ZP3: variants seen among roughly 807,000 people sequenced by gnomAD.
ZP3 encodes the protein zona pellucida glycoprotein 3, also known as zona pellucida sperm-binding protein 3.
In ZP3, 21 loss-of-function variants were observed where a neutral mutation model predicts 35.6. The observed-to-expected ratio is 0.59, with a 90% CI of 0.42 to 0.85. ZP3 has a LOEUF of 0.85. ZP3 is among the 40% of genes least tolerant of loss of function. The pLI is 0.00. For synonymous variants in ZP3, 207 were observed against 214.5 expected, an observed-to-expected ratio of 0.96 and a Z score of 0.31; for missense variants, 437 against 536.5, an observed-to-expected ratio of 0.81 and a Z score of 1.83.
At chr7:76,401,347 CA>C (rs1368258117) in intron 1 of ZP3, among the ~76,000 whole-genome samples, 1 of 152,196 alleles carries the variant, frequency 6.6e-6, no homozygotes, top group East Asian at 1.9e-4. Context: ...ACAGGAGTCT[CA>C]GCTCCTGAGC....
chr7:76,419,340 T>C (rs1356509692), intron 1 of ZP3, among the ~76,000 whole-genome samples: 2 of 152,210 alleles, frequency 1.3e-5, no homozygotes, highest in Non-Finnish European at 2.9e-5. Flanking sequence ...ATCTTTAATC[T>C]ATCTAGAATT....
intron 2 of ZP3, 97 bp downstream of exon 2, chr7:76,429,730 C>G: frequency 1.0e-6 from 1 of 980,498 alleles, no homozygotes; most frequent in South Asian, 1.4e-5. Context: ...TGCAGCATGG[C>G]TATTAGAACT....
At chr7:76,403,347 C>CT (rs766899317) in intron 1 of ZP3, among the ~76,000 whole-genome samples, 2 of 149,530 alleles carry the variant, frequency 1.3e-5, no homozygotes, top group Admixed American at 6.8e-5. Context: ...GACTCCACTT[C>CT]TTTTTTTTGA....
chr7:76,431,268 G>T (rs547403164), intron 2 of ZP3, among the ~76,000 whole-genome samples: 7 of 152,132 alleles, frequency 4.6e-5, no homozygotes, highest in Non-Finnish European at 8.8e-5. Context: ...CTGCCCAGTC[G>T]GCATGAGGGA....
At chr7:76,422,795 C>T (rs552150368), upstream of ZP3, among the ~76,000 whole-genome samples, 1 of 151,260 alleles carries the variant, frequency 6.6e-6, no homozygotes, top group African/African-American at 2.4e-5. Flanking sequence ...GTCCAGAGTT[C>T]GAGACCAGCC....
intron 1 of ZP3, among the ~76,000 whole-genome samples, chr7:76,398,279 A>G (rs1379007891): frequency 6.6e-6 from 1 of 150,382 alleles, no homozygotes; most frequent in Non-Finnish European, 1.5e-5. Context: ...TGTGAGATTA[A>G]GCTCCAGTCT....
intron 5 of ZP3, among the ~76,000 whole-genome samples, chr7:76,436,959 A>G (rs1806035114): frequency 6.6e-6 from 1 of 151,848 alleles, no homozygotes; most frequent in Non-Finnish European, 1.5e-5. Context: ...CCCCCTTCAA[A>G]GGTAGGATTG....
chr7:76,422,658 G>A (rs1244028233), upstream of ZP3, among the ~76,000 whole-genome samples: 5 of 145,206 alleles, frequency 3.4e-5, no homozygotes, highest in Admixed American at 2.1e-4. Context: ...CAGCCTGGGC[G>A]ACAGAGCAAG....
chr7:76,398,682 C>T (rs369033722), intron 1 of ZP3: 8 of 1,606,734 alleles, frequency 5.0e-6, no homozygotes, highest in East Asian at 2.2e-5. Flanking sequence ...AGACTCCTCT[C>T]CCAAAACCCA....
upstream of ZP3, among the ~76,000 whole-genome samples, chr7:76,420,124 C>T (rs1805471685): frequency 6.6e-6 from 1 of 151,154 alleles, no homozygotes; most frequent in African/African-American, 2.4e-5. Flanking sequence ...TCCTCCTCCC[C>T]CTCCTCCCCT....
At chr7:76,409,427 C>G (rs1437132978) in intron 1 of ZP3, 1 of 152,328 alleles carries the variant, frequency 6.6e-6, no homozygotes, top group Non-Finnish European at 1.5e-5. Flanking sequence ...GGGGAATGTT[C>G]TGGGCTCTTT....
chr7:76,432,993 A>G lies in ZP3; in HGVS notation c.498A>G (p.Ser166=). 6.2e-7 allele frequency: 1 copy of G among 1,614,130 alleles called. No individual in the cohort carries two copies. The highest frequency in any genetic ancestry group is 8.5e-7 in the Non-Finnish European group (1 of 1,180,024). ...TGCCCTTCAGGACCACGGTGTTCTCAGAGGAGAAGCTGACTTTCTCTCTGC... is the reference window on the plus strand; with the variant it reads ...TGCCCTTCAGGACCACGGTGTTCTCGGAGGAGAAGCTGACTTTCTCTCTGC... The part of the protein sequence containing the change: ...TWLPFRTTVF[S]EEKLTFSLRL... The change falls in exon 3 of 8, where the codon TCA becomes TCG. Residue 166 remains serine (S), a synonymous_variant. Coordinates refer to ENST00000394857, the MANE Select transcript of ZP3 (RefSeq NM_001110354.2).
At chr7:76,423,702 C>T (rs549511448), upstream of ZP3, among the ~76,000 whole-genome samples, 1 of 151,726 alleles carries the variant, frequency 6.6e-6, no homozygotes, top group South Asian at 2.1e-4. Flanking sequence ...TGGGCGGATC[C>T]CTTGTGGTGA....
At chr7:76,428,360 G>C (rs1427010995) in intron 1 of ZP3, among the ~76,000 whole-genome samples, 1 of 152,074 alleles carries the variant, frequency 6.6e-6, no homozygotes, top group Non-Finnish European at 1.5e-5. Context: ...TAAAGTAGGG[G>C]TTTCCAGTGC....
intron 1 of ZP3, among the ~76,000 whole-genome samples, chr7:76,407,607 C>T (rs1017005247): frequency 6.6e-6 from 1 of 152,090 alleles, no homozygotes; most frequent in African/African-American, 2.4e-5. Flanking sequence ...GTGGTGCATG[C>T]CTGTAATCCC....
chr7:76,401,621 TG>T (rs1418190837), intron 1 of ZP3, among the ~76,000 whole-genome samples: 1 of 152,224 alleles, frequency 6.6e-6, no homozygotes, highest in African/African-American at 2.4e-5. Flanking sequence ...TTCGCCATGT[TG>T]GCCAGGCTGG....
At chr7:76,441,717 C>G in intron 7 of ZP3, 125 bp from the exon 8 acceptor site, 1 of 1,212,770 alleles carries the variant, frequency 8.2e-7, no homozygotes, top group South Asian at 1.3e-5. Context: ...TGTCTAGAAA[C>G]TGTTTATTAG....
At chr7:76,404,603 G>T in intron 1 of ZP3, 1 of 953,068 alleles carries the variant, frequency 1.0e-6, no homozygotes, top group Non-Finnish European at 1.6e-6. Context: ...ATCAGCCTGG[G>T]CAACATAGTG....
chr7:76,411,699 G>A (rs1805249198), intron 1 of ZP3, among the ~76,000 whole-genome samples: 1 of 152,106 alleles, frequency 6.6e-6, no homozygotes, highest in South Asian at 2.1e-4. Flanking sequence ...TTGCTGATGG[G>A]AATGTAAAAT....
Sources: gnomAD v4.1 joint callset for allele counts (sites outside exome capture counted in the v4.1 genomes callset) on GRCh38, gnomAD v4.1.1 for gene constraint, MANE v1.5 for transcripts, NCBI Gene and HGNC (gene_info 2026-07-23, HGNC 2026-07-21) for gene names.